TPRG1: variants seen among roughly 807,000 people sequenced by gnomAD.
The protein encoded by TPRG1 is tumor protein p63-regulated gene 1 protein.
A neutral mutation model predicts 29.3 loss-of-function variants in TPRG1; 29 were observed. That is an observed-to-expected ratio of 0.99 (90% CI 0.74 to 1.35). The LOEUF (loss-of-function observed/expected upper bound fraction) is 1.35, where lower values mean the gene tolerates loss of function less well. Ranked by LOEUF, TPRG1 falls within the 40% of genes most tolerant of loss-of-function variation. The pLI is 0.00. For missense variants in TPRG1, 327 were observed against 335.0 expected, an observed-to-expected ratio of 0.98 and a Z score of 0.19; for synonymous variants, 130 against 116.8, an observed-to-expected ratio of 1.11 and a Z score of -0.73.
intron 4 of TPRG1, among the ~76,000 whole-genome samples, chr3:189,087,945 C>T (rs1014381783): frequency 1.3e-5 from 2 of 152,152 alleles, no homozygotes; most frequent in Admixed American, 6.5e-5. Context: ...TAGCATGATG[C>T]CTCCAGCTTT....
At chr3:189,127,647 C>T (rs937890980) in intron 2 of TPRG1, among the ~76,000 whole-genome samples, 1 of 152,052 alleles carries the variant, frequency 6.6e-6, no homozygotes, top group East Asian at 1.9e-4. Flanking sequence ...AGGTAAAGGT[C>T]TTAAGGTCTT....
intron 1 of TPRG1, among the ~76,000 whole-genome samples, chr3:189,194,648 T>C (rs573857442): frequency 6.6e-6 from 1 of 152,278 alleles, no homozygotes; most frequent in South Asian, 2.1e-4. Flanking sequence ...GGGAGTGTCC[T>C]AGAGGTTTGG....
chr3:189,088,425 T>C (rs1718107852), intron 4 of TPRG1, among the ~76,000 whole-genome samples: 1 of 152,210 alleles, frequency 6.6e-6, no homozygotes, highest in African/African-American at 2.4e-5. Flanking sequence ...GTTTTCTAAA[T>C]ACACAATCAT....
At chr3:189,225,077 G>C (rs191091058) in intron 3 of TPRG1, among the ~76,000 whole-genome samples, 1 of 151,898 alleles carries the variant, frequency 6.6e-6, no homozygotes, top group African/African-American at 2.4e-5. Flanking sequence ...GACTACAGGC[G>C]CCCGCCACCA....
At chr3:189,223,214 A>T (rs2108871615) in intron 3 of TPRG1, among the ~76,000 whole-genome samples, 1 of 152,308 alleles carries the variant, frequency 6.6e-6, no homozygotes, top group East Asian at 1.9e-4. Flanking sequence ...CACTGTATGA[A>T]GCCCTTGGCT....
At chr3:189,252,169 G>C (rs1044993021) in intron 4 of TPRG1, among the ~76,000 whole-genome samples, 1 of 152,174 alleles carries the variant, frequency 6.6e-6, no homozygotes, top group Admixed American at 6.6e-5. Context: ...TTAACCCTGA[G>C]TGGACACAGC....
At chr3:189,094,472 C>T (rs978751936) in intron 4 of TPRG1, among the ~76,000 whole-genome samples, 3 of 152,034 alleles carry the variant, frequency 2.0e-5, no homozygotes, top group African/African-American at 2.4e-5. Context: ...GCTGACAATC[C>T]CCGTTAAATG....
chr3:189,201,196 C>A (rs958668442), intron 1 of TPRG1, among the ~76,000 whole-genome samples: 4 of 152,204 alleles, frequency 2.6e-5, no homozygotes, highest in Non-Finnish European at 4.4e-5. Context: ...TTGGTTATAG[C>A]AGCTGCAATG....
chr3:189,184,693 G>A (rs1030403628), intron 1 of TPRG1, among the ~76,000 whole-genome samples: 15 of 152,138 alleles, frequency 9.9e-5, no homozygotes, highest in Admixed American at 2.6e-4. Flanking sequence ...AAATCTTCCC[G>A]TACCGTCATC....
intron 1 of TPRG1, among the ~76,000 whole-genome samples, chr3:189,189,223 T>A: frequency 6.6e-6 from 1 of 152,162 alleles, no homozygotes; most frequent in Non-Finnish European, 1.5e-5. Flanking sequence ...TGTTTTTTTA[T>A]ACATATCTAT....
intron 4 of TPRG1, among the ~76,000 whole-genome samples, chr3:189,268,838 C>T (rs985225745): frequency 2.0e-5 from 3 of 152,272 alleles, no homozygotes; most frequent in Admixed American, 6.5e-5. Flanking sequence ...CCTGAAGCAC[C>T]GAGTACAGAA....
intron 4 of TPRG1, among the ~76,000 whole-genome samples, chr3:189,306,279 G>C (rs896182983): frequency 6.6e-6 from 1 of 152,168 alleles, no homozygotes; most frequent in East Asian, 1.9e-4. Flanking sequence ...GGCTTATTCA[G>C]ACTGAAGAAA....
Position 189,109,530 on chromosome 3 carries a change from G to A in TPRG1, c.-744+9326G>A, listed in dbSNP as rs532960185. 8.5e-5 allele frequency among the ~76,000 whole-genome samples: 13 copies of A among 152,306 alleles called. No homozygotes were observed. The South Asian group carries it at 2.7e-3, about 32-fold the overall frequency. On this transcript the variant is annotated intron_variant, in intron 1 of 6. Coordinates refer to the TPRG1 transcript ENST00000412373. ...AGAGACAAAAGATAATTCTCAGGAA[G>A]AACTGAAGATAAGTTCATCCACCAG...
chr3:189,031,398 G>A (rs917599288), intron 4 of TPRG1, among the ~76,000 whole-genome samples: 1 of 152,104 alleles, frequency 6.6e-6, no homozygotes, highest in Admixed American at 6.5e-5. Context: ...AATACACATG[G>A]CATATGTATG....
chr3:189,132,478 C>A (rs1723220725), exon 3 of TPRG1: 1 of 152,176 alleles, frequency 6.6e-6, no homozygotes, highest in Non-Finnish European at 1.5e-5. Context: ...AAGCAAATTA[C>A]AACTGTAAAG....
intron 4 of TPRG1, among the ~76,000 whole-genome samples, chr3:189,306,022 A>G (rs78284307): frequency 0.018 from 2,763 of 152,310 alleles, 44 homozygotes; most frequent in South Asian, 0.024. Context: ...GAGACTTGCA[A>G]GTTTCTATTT....
intron 4 of TPRG1, among the ~76,000 whole-genome samples, chr3:189,248,947 C>T (rs912075876): frequency 3.6e-4 from 54 of 151,096 alleles, no homozygotes; most frequent in African/African-American, 1.3e-3. Context: ...TACTTTCTTT[C>T]TTTTTGGAAT....
At chr3:189,006,508 C>G (rs1712293572) in intron 3 of TPRG1, among the ~76,000 whole-genome samples, 1 of 152,124 alleles carries the variant, frequency 6.6e-6, no homozygotes, top group Admixed American at 6.6e-5. Context: ...ATGGCTTCTG[C>G]TCTGAAAGAG....
intron 1 of TPRG1, among the ~76,000 whole-genome samples, chr3:189,111,518 A>G (rs952984594): frequency 1.9e-4 from 29 of 152,116 alleles, no homozygotes; most frequent in Non-Finnish European, 1.8e-4. Context: ...TACTGAATGT[A>G]TATTGCTTTC....
Sources: gnomAD v4.1 joint callset for allele counts (sites outside exome capture counted in the v4.1 genomes callset) on GRCh38, gnomAD v4.1.1 for gene constraint, MANE v1.5 for transcripts, NCBI Gene and HGNC (gene_info 2026-07-23, HGNC 2026-07-21) for gene names.